The following PCDH15 variants were observed in gnomAD, a reference collection of about 807,000 sequenced individuals.
PCDH15 encodes protocadherin related 15.
Under a neutral mutation model 178.5 loss-of-function variants are expected in PCDH15, and 129 were observed. The observed-to-expected ratio is 0.72, with a 90% CI of 0.63 to 0.84. The LOEUF (loss-of-function observed/expected upper bound fraction) is 0.84, where lower values mean the gene tolerates loss of function less well. Among genes scored for constraint, PCDH15 ranks in the 40% least tolerant of loss-of-function variants. The pLI is 0.00. For missense variants in PCDH15, 2,230 were observed against 2,099.9 expected (o/e 1.06, Z -1.21); for synonymous variants, 800 against 732.0 (o/e 1.09, Z -1.50).
chr10:54,498,318 G>A (rs2080326025), intron 3 of PCDH15, among the ~76,000 whole-genome samples: 2 of 152,114 alleles, frequency 1.3e-5, no homozygotes, highest in South Asian at 4.1e-4. Context: ...TGGCAAACAT[G>A]TAAAGAAAAG....
intron 2 of PCDH15, among the ~76,000 whole-genome samples, chr10:55,434,380 T>C (rs530289180): frequency 4.6e-4 from 70 of 152,074 alleles, no homozygotes; most frequent in African/African-American, 1.6e-3. Context: ...TCAAACGCTA[T>C]TGCTTTTGTT....
chr10:55,364,793 A>G (rs1845314092), intron 2 of PCDH15, among the ~76,000 whole-genome samples: 1 of 152,076 alleles, frequency 6.6e-6, no homozygotes, highest in African/African-American at 2.4e-5. Flanking sequence ...TATAGATTAA[A>G]AGATTTCTAT....
At chr10:54,188,998 T>C (rs2048723942) in intron 11 of PCDH15, among the ~76,000 whole-genome samples, 1 of 151,934 alleles carries the variant, frequency 6.6e-6, no homozygotes, top group South Asian at 2.1e-4. Context: ...AAAAATTCAA[T>C]TTCAAACTTA....
At chr10:55,601,950 G>C (rs941162248) in intron 2 of PCDH15, among the ~76,000 whole-genome samples, 2 of 152,138 alleles carry the variant, frequency 1.3e-5, no homozygotes, top group African/African-American at 4.8e-5. Flanking sequence ...CAGAAGACGG[G>C]TGATTTCTGC....
chr10:55,474,953 G>A (rs61851155), intron 2 of PCDH15, among the ~76,000 whole-genome samples: 2,200 of 152,082 alleles, frequency 0.014, 29 homozygotes, highest in Non-Finnish European at 0.022. Context: ...TGAGTTTTTG[G>A]GTGTCTGCTC....
At chr10:54,329,530 A>C (rs1938959034) in intron 7 of PCDH15, 66 bp downstream of exon 7, 1 of 1,169,020 alleles carries the variant, frequency 8.6e-7, no homozygotes, top group South Asian at 1.2e-5. Flanking sequence ...AGTATCTGAT[A>C]CATTTTGGAT....
intron 17 of PCDH15, among the ~76,000 whole-genome samples, chr10:54,071,427 G>A (rs2094239886): frequency 6.6e-6 from 1 of 152,136 alleles, no homozygotes; most frequent in Non-Finnish European, 1.5e-5. Context: ...TAATCCTAGA[G>A]AGGATAAGAG....
chr10:54,963,204 C>T (rs1838699738), intron 2 of PCDH15, among the ~76,000 whole-genome samples: 2 of 152,136 alleles, frequency 1.3e-5, no homozygotes, highest in African/African-American at 4.8e-5. Flanking sequence ...ATTTCTCATC[C>T]TTTCTTTCCT....
At chr10:54,673,665 C>T (rs867719074) in intron 1 of PCDH15, among the ~76,000 whole-genome samples, 3 of 151,948 alleles carry the variant, frequency 2.0e-5, no homozygotes, top group Non-Finnish European at 1.5e-5. Context: ...CTGGAACTCC[C>T]GACCTCAGAT....
intron 3 of PCDH15, among the ~76,000 whole-genome samples, chr10:54,469,751 C>G (rs2077768187): frequency 6.6e-6 from 1 of 152,028 alleles, no homozygotes; most frequent in Non-Finnish European, 1.5e-5. Context: ...TGAGTGGGTC[C>G]TCTGGCTCCA....
intron 26 of PCDH15, among the ~76,000 whole-genome samples, chr10:53,879,558 T>C (rs1215485821): frequency 6.6e-6 from 1 of 152,204 alleles, no homozygotes; most frequent in Non-Finnish European, 1.5e-5. Context: ...TACAGAATTA[T>C]TGTAAAAGGT....
chr10:54,939,359 G>A (rs1391998636), intron 2 of PCDH15, among the ~76,000 whole-genome samples: 2 of 151,504 alleles, frequency 1.3e-5, no homozygotes, highest in Non-Finnish European at 2.9e-5. Context: ...GCCGGGCGTG[G>A]TGGCGGGCCC....
chr10:54,808,853 T>C (rs1952818578), intron 3 of PCDH15, among the ~76,000 whole-genome samples: 1 of 152,004 alleles, frequency 6.6e-6, no homozygotes, highest in Non-Finnish European at 1.5e-5. Flanking sequence ...GAAGCAGGGA[T>C]ACCTTCCAAG....
chr10:54,291,042 G>A (rs777609721), intron 8 of PCDH15, among the ~76,000 whole-genome samples: 15 of 150,416 alleles, frequency 1.0e-4, no homozygotes, highest in Non-Finnish European at 1.9e-4. Flanking sequence ...ATTTGAACTC[G>A]CACTTATAAA....
chr10:54,130,042 A>G (rs903886367), intron 15 of PCDH15, among the ~76,000 whole-genome samples: 1 of 152,294 alleles, frequency 6.6e-6, no homozygotes, highest in South Asian at 2.1e-4. Context: ...GAAAAGAAAT[A>G]CTTGAATATT....
At chr10:54,327,414 C>A (rs990938153) in intron 7 of PCDH15, among the ~76,000 whole-genome samples, 1 of 149,896 alleles carries the variant, frequency 6.7e-6, no homozygotes, top group African/African-American at 2.4e-5. Flanking sequence ...TACAGACACA[C>A]ACATAATACA....
chr10:54,566,653 C>A (rs937307389), intron 2 of PCDH15, among the ~76,000 whole-genome samples: 9 of 152,206 alleles, frequency 5.9e-5, no homozygotes, highest in African/African-American at 1.9e-4. Flanking sequence ...TTGTTCATGT[C>A]TTTTCAAGGC....
chr10:53,980,276 G>A (rs1041410279), intron 21 of PCDH15, among the ~76,000 whole-genome samples: 3 of 151,484 alleles, frequency 2.0e-5, no homozygotes, highest in African/African-American at 7.3e-5. Context: ...AGGGGTAAAA[G>A]TAGACATATA....
At chr10:53,842,295 C>T (rs1440228323) in intron 28 of PCDH15, among the ~76,000 whole-genome samples, 4 of 152,116 alleles carry the variant, frequency 2.6e-5, no homozygotes, top group African/African-American at 9.7e-5. Flanking sequence ...CTCATTCTGT[C>T]GCCCAGGCTG....
Sources: gnomAD v4.1 joint callset for allele counts (sites outside exome capture counted in the v4.1 genomes callset) on GRCh38, gnomAD v4.1.1 for gene constraint, MANE v1.5 for transcripts, NCBI Gene and HGNC (gene_info 2026-07-23, HGNC 2026-07-21) for gene names.